ASAH1: variants seen among roughly 807,000 people sequenced by gnomAD.
ASAH1 encodes N-acylsphingosine amidohydrolase 1, also known as acid ceramidase.
Under a neutral mutation model 59.5 loss-of-function variants are expected in ASAH1, and 70 were observed. The observed-to-expected ratio is 1.18, with a 90% CI of 0.97 to 1.43. The LOEUF is 1.43. ASAH1 is among the 40% of genes most tolerant of loss of function. ASAH1 has a pLI of 0.00. For missense variants in ASAH1, 660 were observed against 482.5 expected (o/e 1.37, Z -3.45); for synonymous variants, 213 against 166.5 (o/e 1.28, Z -2.15).
At chr8:18,059,736 C>T (rs201968568) in intron 10 of ASAH1, 33 bp from the exon 11 acceptor site, 1 of 1,555,854 alleles carries the variant, frequency 6.4e-7, no homozygotes, top group East Asian at 2.4e-5. Context: ...AAAAATGAAA[C>T]TTTTTTTTAA....
chr8:18,058,675 A>T, intron 13 of ASAH1, 160 bp downstream of exon 13: 1 of 655,510 alleles, frequency 1.5e-6, no homozygotes, highest in Non-Finnish European at 2.7e-6. Context: ...TGTATTCCAA[A>T]ATACAGTTTT....
chr8:18,067,337 T>C (rs1564543267), intron 4 of ASAH1, 39 bp from the exon 5 acceptor site: 1 of 1,275,116 alleles, frequency 7.8e-7, no homozygotes, highest in Non-Finnish European at 1.1e-6. Context: ...TTTAACATAA[T>C]AACAATAAAA....
intron 5 of ASAH1, chr8:18,066,297 G>C (rs1478187223): frequency 5.3e-5 from 8 of 151,332 alleles, no homozygotes; most frequent in African/African-American, 1.5e-4. Context: ...ACTGGGAGCA[G>C]ATATTCAGAA....
intron 2 of ASAH1, among the ~76,000 whole-genome samples, chr8:18,071,766 G>C (rs1800187876): frequency 1.3e-5 from 2 of 151,504 alleles, no homozygotes; most frequent in Admixed American, 6.6e-5. Context: ...TTCTCCAATT[G>C]GTTTCCAGTT....
chr8:18,081,682 G>C (rs1800660551), intron 1 of ASAH1, among the ~76,000 whole-genome samples: 1 of 152,168 alleles, frequency 6.6e-6, no homozygotes, highest in Non-Finnish European at 1.5e-5. Flanking sequence ...AATCCTTACA[G>C]ATGTTCTAAA....
At chr8:18,067,104 C>CCTGTGCTGTATATCTAAGACATACAGCAT (rs1799959447) in intron 5 of ASAH1, 116 bp downstream of exon 5, 4 of 468,588 alleles carry the variant, frequency 8.5e-6, no homozygotes, top group Non-Finnish European at 1.2e-5. Context: ...GACCTGTGCA[C>CCTGTGCTGTATATCTAAGACATACAGCAT]CTGTGCTGTA....
chr8:18,073,889 G>A (rs532530550), intron 2 of ASAH1, among the ~76,000 whole-genome samples: 100 of 152,142 alleles, frequency 6.6e-4, no homozygotes, highest in African/African-American at 2.4e-3. Flanking sequence ...GAAAGCTAGC[G>A]AAAAAATGAA....
chr8:18,081,442 T>C (rs551379033), intron 1 of ASAH1, among the ~76,000 whole-genome samples: 4 of 152,312 alleles, frequency 2.6e-5, no homozygotes, highest in Admixed American at 1.3e-4. Context: ...TGGCCTCCCA[T>C]TGGCTGGTTC....
At chr8:18,067,354 TA>T (rs1564543306) in intron 4 of ASAH1, 56 bp from the exon 5 acceptor site, 2 of 1,032,346 alleles carry the variant, frequency 1.9e-6, no homozygotes, top group South Asian at 2.9e-5. Context: ...AAAAAATATA[TA>T]ATATAATATA....
At chr8:18,063,123 C>A in intron 7 of ASAH1, 62 bp downstream of exon 7, 1 of 1,517,498 alleles carries the variant, frequency 6.6e-7, no homozygotes, top group African/African-American at 1.4e-5. Flanking sequence ...CCGTGTCAGC[C>A]TCCCAAAAAG....
chr8:18,073,418 C>T (rs1800257004), intron 2 of ASAH1: 3 of 882,736 alleles, frequency 3.4e-6, no homozygotes, highest in Admixed American at 5.5e-5. Flanking sequence ...TTTGCAATGT[C>T]CATGCCATTC....
At chr8:18,062,651 G>C (rs1799754858) in intron 7 of ASAH1, 3 of 551,916 alleles carry the variant, frequency 5.4e-6, no homozygotes, top group Non-Finnish European at 9.7e-6. Flanking sequence ...TAAATAGTGA[G>C]CCTCAGATTC....
At chr8:18,063,799 T>TG (rs754580856) in intron 6 of ASAH1, 1 of 157,454 alleles carries the variant, frequency 6.4e-6, no homozygotes, top group African/African-American at 2.4e-5. Flanking sequence ...AAGGAATCAA[T>TG]GGTCATGTTT....
intron 13 of ASAH1, 98 bp downstream of exon 13, chr8:18,058,737 C>G: frequency 2.7e-6 from 3 of 1,130,234 alleles, no homozygotes; most frequent in East Asian, 4.7e-5. Context: ...CTGAACACAC[C>G]TTTTGTGCTC....
rs1209851295 is a variant in ASAH1, at chr8:18,057,564, C to T, written c.1158G>A (p.Arg386=). 6.2e-7 allele frequency: 1 copy of T among 1,603,660 alleles called. No individual in the cohort carries two copies. Among genetic ancestry groups the T allele is most frequent in the Non-Finnish European group, 8.5e-7 (1 of 1,173,266 alleles). The change falls in exon 14 of 14, where the codon CGG becomes CGA. Residue 386 remains arginine (R), a synonymous_variant. Coordinates refer to ENST00000637790, the MANE Select transcript of ASAH1 (RefSeq NM_177924.5). ...VTKGQFETYL[R]DCPDPCIGW The stretch of plus-strand genomic sequence containing the variant: ...AACCTATACAAGGGTCAGGGCAGTC[C>T]CGCAGGTAAGTTTCGAATTGACCTT...
intron 2 of ASAH1, among the ~76,000 whole-genome samples, chr8:18,071,594 T>G (rs777828021): frequency 6.6e-6 from 1 of 152,142 alleles, no homozygotes; most frequent in East Asian, 1.9e-4. Context: ...ACAGAAATCC[T>G]GGAATAGAAT....
chr8:18,082,264 A>G (rs1183434897), intron 1 of ASAH1, among the ~76,000 whole-genome samples: 1 of 152,184 alleles, frequency 6.6e-6, no homozygotes, highest in East Asian at 1.9e-4. Context: ...CTATCAAAAT[A>G]CTTTTGCTAG....
At chr8:18,083,892 C>T in intron 1 of ASAH1, 89 bp downstream of exon 1, 2 of 1,537,722 alleles carry the variant, frequency 1.3e-6, no homozygotes, top group Non-Finnish European at 1.7e-6. Context: ...CGAGGTGTTC[C>T]TTGTACCCGC....
chr8:18,068,647 A>T (rs1466891505), intron 4 of ASAH1: 3 of 152,200 alleles, frequency 2.0e-5, no homozygotes, highest in African/African-American at 7.3e-5. Context: ...TCCAGTGGGT[A>T]AGGGCCAGGG....
Sources: gnomAD v4.1 joint callset for allele counts (sites outside exome capture counted in the v4.1 genomes callset) on GRCh38, gnomAD v4.1.1 for gene constraint, MANE v1.5 for transcripts, NCBI Gene and HGNC (gene_info 2026-07-23, HGNC 2026-07-21) for gene names.